DCDC2C: variants seen among roughly 807,000 people sequenced by gnomAD.
DCDC2C encodes doublecortin domain-containing protein 2C.
Under a neutral mutation model 45.0 loss-of-function variants are expected in DCDC2C, and 44 were observed. The observed-to-expected ratio is 0.98, with a 90% CI of 0.77 to 1.26. The LOEUF is 1.26. Ranked by LOEUF, DCDC2C falls within the 50% of genes most tolerant of loss-of-function variation. The pLI is 0.00. For synonymous variants in DCDC2C, 187 were observed against 178.8 expected, an observed-to-expected ratio of 1.05 and a Z score of -0.37; for missense variants, 447 against 468.9, an observed-to-expected ratio of 0.95 and a Z score of 0.43.
intron 10 of DCDC2C, among the ~76,000 whole-genome samples, chr2:3,827,168 A>G (rs1671843231): frequency 6.6e-6 from 1 of 152,182 alleles, no homozygotes; most frequent in South Asian, 2.1e-4. Context: ...CTTGATTAAA[A>G]TCAGATTAAA....
At chr2:3,727,241 T>C (rs1668717028) in intron 3 of DCDC2C, among the ~76,000 whole-genome samples, 162 bp downstream of exon 3, 1 of 152,002 alleles carries the variant, frequency 6.6e-6, no homozygotes, top group Non-Finnish European at 1.5e-5. Context: ...GATTTCTTTT[T>C]CCTAGACCAC....
At chr2:3,845,416 C>T (rs1672303581) in intron 10 of DCDC2C, among the ~76,000 whole-genome samples, 1 of 152,138 alleles carries the variant, frequency 6.6e-6, no homozygotes, top group Non-Finnish European at 1.5e-5. Context: ...AATGGTGATT[C>T]TAGGATGGTC....
At chr2:3,718,055 G>C (rs548171194) in intron 2 of DCDC2C, among the ~76,000 whole-genome samples, 1 of 152,226 alleles carries the variant, frequency 6.6e-6, no homozygotes, top group African/African-American at 2.4e-5. Flanking sequence ...TGACTTGTCT[G>C]TGTCCCTCTG....
chr2:3,770,442 C>T (rs1238281146), intron 8 of DCDC2C, among the ~76,000 whole-genome samples: 1 of 152,200 alleles, frequency 6.6e-6, no homozygotes, highest in Admixed American at 6.5e-5. Context: ...CTTTCCACTT[C>T]CTTTTTTTGG....
chr2:3,797,918 G>A (rs1671007214), intron 10 of DCDC2C, among the ~76,000 whole-genome samples: 1 of 148,678 alleles, frequency 6.7e-6, no homozygotes, highest in Admixed American at 6.8e-5. Flanking sequence ...CAATTCCTGG[G>A]TATCCTTGTT....
At chr2:3,834,023 C>T (rs780188507) in intron 10 of DCDC2C, among the ~76,000 whole-genome samples, 54 of 152,172 alleles carry the variant, frequency 3.5e-4, no homozygotes, top group Admixed American at 7.2e-4. Context: ...CTTTATGTTT[C>T]GGAGCAGTTT....
At chr2:3,839,560 T>C (rs1347212140) in intron 10 of DCDC2C, among the ~76,000 whole-genome samples, 1 of 152,252 alleles carries the variant, frequency 6.6e-6, no homozygotes, top group East Asian at 1.9e-4. Context: ...TTAAGTCTGA[T>C]TCTTGGTGGC....
intron 4 of DCDC2C, among the ~76,000 whole-genome samples, chr2:3,744,384 G>C (rs527498873): frequency 6.6e-6 from 1 of 152,182 alleles, no homozygotes; most frequent in African/African-American, 2.4e-5. Context: ...TGGGAAAGCG[G>C]GAGACTGGGA....
intron 8 of DCDC2C, among the ~76,000 whole-genome samples, chr2:3,769,840 G>C (rs1670116942): frequency 6.6e-6 from 1 of 152,226 alleles, no homozygotes; most frequent in Admixed American, 6.5e-5. Context: ...AGTGGGATCA[G>C]ATGGCATGAT....
At position 3,752,826 on chromosome 2, in the gene DCDC2C, T is replaced by C; in HGVS notation, c.609T>C (p.Tyr203=). Reference sequence around the variant, plus strand: ...AGGATTTGCAAGACAATCACTTTTATGTTGCTGTGGGACTGGAGACCTTCA... The same window carrying C: ...AGGATTTGCAAGACAATCACTTTTACGTTGCTGTGGGACTGGAGACCTTCA... ...DSKDLQDNHF[Y]VAVGLETFKY... The change falls in exon 5 of 11, where the codon TAT becomes TAC. Residue 203 remains tyrosine, a synonymous_variant. Coordinates refer to ENST00000399143, the MANE Select transcript of DCDC2C (RefSeq NM_001287444.2). 1.3e-6 allele frequency: 2 copies of C among 1,550,544 alleles called. No individual in the cohort carries two copies. Among genetic ancestry groups the C allele is most frequent in the Non-Finnish European group, 1.7e-6 (2 of 1,146,956 alleles).
chr2:3,844,813 C>T (rs1024216296), intron 10 of DCDC2C, among the ~76,000 whole-genome samples: 5 of 152,128 alleles, frequency 3.3e-5, no homozygotes, highest in Admixed American at 6.5e-5. Flanking sequence ...AATCATTGCC[C>T]GCTGGGGCCG....
chr2:3,762,423 C>T (rs10205896), intron 6 of DCDC2C, among the ~76,000 whole-genome samples: 17,815 of 152,040 alleles, frequency 0.12, 1,175 homozygotes, highest in South Asian at 0.31. Context: ...ATATAGGAGA[C>T]TAGGGAATTT....
chr2:3,822,488 C>T (rs973103857), intron 10 of DCDC2C, among the ~76,000 whole-genome samples: 3 of 151,832 alleles, frequency 2.0e-5, no homozygotes, highest in South Asian at 4.2e-4. Context: ...CTGATTTTAT[C>T]AATTTTAGTG....
At chr2:3,709,382 A>G (rs1306630571) in intron 2 of DCDC2C, among the ~76,000 whole-genome samples, 1 of 152,220 alleles carries the variant, frequency 6.6e-6, no homozygotes, top group Non-Finnish European at 1.5e-5. Context: ...TCCCCTCCAC[A>G]TCTTACAGAA....
chr2:3,789,610 TC>T (rs1245434082), intron 10 of DCDC2C, among the ~76,000 whole-genome samples: 5 of 152,322 alleles, frequency 3.3e-5, no homozygotes, highest in South Asian at 2.1e-4. Context: ...GTGTTTGCAT[TC>T]AAGTTTTCAA....
In DCDC2C at chr2:3,795,272, T is replaced by C. The variant is rs532175333; in HGVS notation, c.1065+10172T>C. ...TTGTAGATTCTGGATATTAGCCCTTTGTCAGATGAGGAGGTTGCGAAAATT... is the reference window on the plus strand; with the variant it reads ...TTGTAGATTCTGGATATTAGCCCTTCGTCAGATGAGGAGGTTGCGAAAATT... On this transcript the variant is annotated intron_variant, in intron 10 of 10. Coordinates refer to ENST00000399143, the MANE Select transcript of DCDC2C (RefSeq NM_001287444.2). Among the ~76,000 whole-genome samples, 575 of 151,562 alleles carry C rather than the reference T, an allele frequency of 3.8e-3. 9 individuals are homozygous for C. The highest frequency in any genetic ancestry group is 0.034 in the Admixed American group (511 of 15,200).
intron 10 of DCDC2C, 77 bp downstream of exon 10, chr2:3,785,177 C>T: frequency 9.1e-7 from 1 of 1,096,614 alleles, no homozygotes; most frequent in Admixed American, 4.2e-5. Context: ...TCCACGGATC[C>T]CCAAATCTTC....
At chr2:3,776,418 C>T (rs1670337950) in intron 8 of DCDC2C, among the ~76,000 whole-genome samples, 1 of 152,192 alleles carries the variant, frequency 6.6e-6, no homozygotes, top group Non-Finnish European at 1.5e-5. Context: ...AGCTCTTCCG[C>T]TCTGTGCCAC....
chr2:3,739,542 C>CACCGGCAGGCCGCCG (rs1343307822), intron 3 of DCDC2C, among the ~76,000 whole-genome samples: 2 of 152,236 alleles, frequency 1.3e-5, no homozygotes, highest in Non-Finnish European at 1.5e-5. Context: ...GGCACCGGCA[C>CACCGGCAGGCCGCCG]ACCGGCAGGC....
Sources: allele counts gnomAD v4.1 joint callset (sites outside exome capture counted in the v4.1 genomes callset), GRCh38; gene constraint gnomAD v4.1.1; transcripts MANE v1.5; gene names NCBI Gene and HGNC (gene_info 2026-07-23, HGNC 2026-07-21).